The following PCDHGA4 variants were observed in gnomAD, a reference collection of about 807,000 sequenced individuals.
PCDHGA4 encodes protocadherin gamma subfamily A, 4.
In PCDHGA4, 38 loss-of-function variants were observed where a neutral mutation model predicts 54.6. That is an observed-to-expected ratio of 0.70 (90% confidence interval 0.54 to 0.91). The LOEUF (loss-of-function observed/expected upper bound fraction) is 0.91. PCDHGA4 is among the 40% of genes least tolerant of loss of function. PCDHGA4 has a pLI of 0.00. For missense variants in PCDHGA4, 1,298 were observed against 1,220.9 expected (o/e 1.06, Z -0.94); for synonymous variants, 511 against 512.9 (o/e 1.00, Z 0.05).
At chr5:141,492,132 C>A (rs1289132641) in intron 1 of PCDHGA4, among the ~76,000 whole-genome samples, 3 of 152,220 alleles carry the variant, frequency 2.0e-5, no homozygotes, top group African/African-American at 4.8e-5. Context: ...CAGCTCCCAG[C>A]ATCTGTGACT....
Position 141,489,753 on chromosome 5 carries a change from T to A in PCDHGA4, c.2515-5054T>A, listed in dbSNP as rs549652158. On this transcript the variant is annotated intron_variant, in intron 1 of 3. Transcript: ENST00000571252. The surrounding 1 kb of genome is among the most constrained non-coding windows in gnomAD (Gnocchi z 4.5). ...GCACCAATACTGTGAGCTTTTACAC[T>A]CTAAGCCCCAACAGCCACTTCTCTC... 6.2e-7 allele frequency: 1 copy of A among 1,614,070 alleles called. No homozygotes were observed. The highest frequency in any genetic ancestry group is 2.2e-5 in the East Asian group (1 of 44,866).
At chr5:141,389,903 C>T in intron 1 of PCDHGA4, 1 of 1,614,092 alleles carries the variant, frequency 6.2e-7, no homozygotes, top group Non-Finnish European at 8.5e-7. Context: ...TGCCGGATAT[C>T]ACTGACCGCC....
chr5:141,441,609 A>G (rs922588350), intron 1 of PCDHGA4: 2 of 218,734 alleles, frequency 9.1e-6, no homozygotes, highest in South Asian at 5.5e-5. Context: ...TCCCTATTCC[A>G]TCGTGGCCAG....
intron 1 of PCDHGA4, chr5:141,415,739 G>GT (rs1561759437): frequency 3.9e-5 from 17 of 435,138 alleles, no homozygotes; most frequent in African/African-American, 2.3e-4. Flanking sequence ...TGTTTATTAA[G>GT]GTTTTTTTTT....
At position 141,491,834 on chromosome 5, in the gene PCDHGA4, C is replaced by T; in HGVS notation, c.2515-2973C>T. 6 of 1,473,830 alleles carry T rather than the reference C, an allele frequency of 4.1e-6. No homozygotes were observed. The highest frequency in any genetic ancestry group is 5.4e-6 in the Non-Finnish European group (6 of 1,112,366). The allele number at this position is 1,473,830 out of a possible 1,614,324, so 91.3% of individuals were successfully genotyped here. ...CGCTGGCTGCGCTCCACCCGATTCTCGGGATCATTGGACCGTTTGCGCGAA... is the reference window on the plus strand; with the variant it reads ...CGCTGGCTGCGCTCCACCCGATTCTTGGGATCATTGGACCGTTTGCGCGAA... On this transcript the variant is annotated intron_variant, in intron 1 of 3. Transcript: ENST00000571252. This position sits in a 1 kb window ranked among gnomAD's most constrained non-coding sequence, Gnocchi z 6.9.
chr5:141,427,483 A>G lies in PCDHGA4; in HGVS notation c.2515-67324A>G, dbSNP rs759092057. The G allele has an allele frequency of 1.5e-4, 79 of 535,350 alleles. 2 individuals carry two copies. The highest frequency in any genetic ancestry group is 1.1e-3 in the South Asian group (73 of 65,268). 33.2% of individuals were successfully genotyped at this position (535,350 alleles called of 1,614,324 possible). ...ATCGAATCTTCCGCCAATAATGACT[A>G]TAAGCTTGTAACAGATGGGACCCTG... On this transcript the variant is annotated intron_variant, in intron 1 of 3. Coordinates refer to ENST00000571252, the MANE Select transcript of PCDHGA4 (RefSeq NM_018917.4).
At chr5:141,448,480 C>A (rs889742803) in intron 1 of PCDHGA4, among the ~76,000 whole-genome samples, 1 of 152,184 alleles carries the variant, frequency 6.6e-6, no homozygotes, top group Admixed American at 6.6e-5. Flanking sequence ...ACCCTTGCTT[C>A]CTCCTGTCCC....
chr5:141,365,924 G>T, intron 1 of PCDHGA4: 1 of 1,614,212 alleles, frequency 6.2e-7, no homozygotes, highest in Non-Finnish European at 8.5e-7. Flanking sequence ...ACAGTTGTGG[G>T]TGACAGCCAG....
rs70988800 is a variant in PCDHGA4 at position 141,379,889 on chromosome 5, C to CTTTTTTTTTTTTTTTTT, written c.2514+22282_2514+22298dup. On this transcript the variant is annotated intron_variant, in intron 1 of 3. Transcript: ENST00000571252. ...CTTATTTTATGGTCTGTGAAAGCCT[C>CTTTTTTTTTTTTTTTTT]TTTTTTTTTTTTTTTTTTTTTTTTT... Among the ~76,000 whole-genome samples the CTTTTTTTTTTTTTTTTT allele has an allele frequency of 3.2e-3, 165 of 50,828 alleles. 28 individuals carry two copies. Among genetic ancestry groups the CTTTTTTTTTTTTTTTTT allele is most frequent in the Non-Finnish European group, 4.5e-3 (116 of 25,882 alleles). The allele number at this position is 50,828 out of a possible 152,430, so 33.3% of individuals were successfully genotyped here. A position where few individuals can be genotyped will look rare whatever the true frequency, so the allele number is the denominator to read the frequency against.
At chr5:141,385,196 G>A (rs760255338) in intron 1 of PCDHGA4, 3 of 1,614,230 alleles carry the variant, frequency 1.9e-6, no homozygotes, top group Non-Finnish European at 2.5e-6. Context: ...TCTCGGAAGA[G>A]TCACCTGATC....
intron 1 of PCDHGA4, chr5:141,357,875 G>A (rs1004747934): frequency 5.4e-6 from 3 of 558,690 alleles, no homozygotes; most frequent in African/African-American, 3.8e-5. Flanking sequence ...TTACAACTCT[G>A]AGCCACCTCA....
Position 141,476,962 on chromosome 5 carries a change from C to T in PCDHGA4, c.2515-17845C>T. The stretch of plus-strand genomic sequence containing the variant: ...GCCCCAACGGTGAAATTATTTACTC[C>T]TTCGGCAGCCACAACCGCGCCGGCG... On this transcript the variant is annotated intron_variant, in intron 1 of 3. Coordinates refer to ENST00000571252, the MANE Select transcript of PCDHGA4 (RefSeq NM_018917.4). The surrounding 1 kb of genome is among the most constrained non-coding windows in gnomAD (Gnocchi z 7.6). 6.2e-7 allele frequency: 1 copy of T among 1,614,200 alleles called. No homozygotes were observed. Among genetic ancestry groups the T allele is most frequent in the South Asian group, 1.1e-5 (1 of 91,090 alleles).
At chr5:141,510,845 C>T (rs2099883036) in intron 3 of PCDHGA4, 102 bp from the exon 4 acceptor site, 3 of 1,593,960 alleles carry the variant, frequency 1.9e-6, no homozygotes, top group Non-Finnish European at 2.6e-6. Context: ...TGGTCAAGGC[C>T]CAGGGTGCTG....
chr5:141,436,068 T>A (rs1343785335), intron 1 of PCDHGA4, among the ~76,000 whole-genome samples: 1 of 152,190 alleles, frequency 6.6e-6, no homozygotes, highest in Non-Finnish European at 1.5e-5. Flanking sequence ...ATTTAATAAG[T>A]ACAGTGTTCT....
At chr5:141,408,882 A>G (rs1561715935) in intron 1 of PCDHGA4, 1 of 1,613,404 alleles carries the variant, frequency 6.2e-7, no homozygotes, top group Admixed American at 1.7e-5. Context: ...GCCACCGCTC[A>G]CATAGAAATT....
intron 1 of PCDHGA4, among the ~76,000 whole-genome samples, chr5:141,438,579 CATACATACATACAT>C (rs1434774868): frequency 9.0e-5 from 5 of 55,782 alleles, no homozygotes; most frequent in Admixed American, 2.8e-4. Context: ...GATATACATA[CATACATACATACAT>C]ATATATATAT....
At chr5:141,370,509 G>T (rs1353191551) in intron 1 of PCDHGA4, 2 of 1,613,920 alleles carry the variant, frequency 1.2e-6, no homozygotes, top group South Asian at 1.1e-5. Flanking sequence ...CGCTATTCCC[G>T]AGGAGCTGGA....
intron 1 of PCDHGA4, chr5:141,371,954 C>T (rs1182311011): frequency 6.2e-7 from 1 of 1,613,274 alleles, no homozygotes; most frequent in Non-Finnish European, 8.5e-7. Flanking sequence ...AGCGAGCCTT[C>T]GACCACGAGC....
chr5:141,470,825 C>T (rs557419577), intron 1 of PCDHGA4, among the ~76,000 whole-genome samples: 5 of 152,064 alleles, frequency 3.3e-5, no homozygotes, highest in Admixed American at 1.3e-4. Context: ...GTAGTTAGGA[C>T]GACAAACACA....
Sources: allele counts gnomAD v4.1 joint callset (sites outside exome capture counted in the v4.1 genomes callset), GRCh38; gene constraint gnomAD v4.1.1; non-coding constraint Gnocchi (gnomAD v3.1); transcripts MANE v1.5; gene names NCBI Gene and HGNC (gene_info 2026-07-23, HGNC 2026-07-21).